The following NOL10 variants were observed in gnomAD, a reference collection of about 807,000 sequenced individuals.
NOL10 encodes nucleolar protein 10, also known as H_NH0074G24.1.
In NOL10, 58 loss-of-function variants were observed where a neutral mutation model predicts 103.5. The observed-to-expected ratio is 0.56, with a 90% CI of 0.45 to 0.70. The LOEUF is 0.70. Among genes scored for constraint, NOL10 ranks in the 30% least tolerant of loss-of-function variants. The pLI is 0.00. For synonymous variants in NOL10, 287 were observed against 282.5 expected (o/e 1.02, Z -0.16); for missense variants, 763 against 807.3 (o/e 0.95, Z 0.67).
chr2:10,619,203 G>C (rs759059484), intron 13 of NOL10, among the ~76,000 whole-genome samples: 1 of 149,506 alleles, frequency 6.7e-6, no homozygotes. Context: ...CTGGAGTACA[G>C]TGGCATGATC....
chr2:10,579,223 C>G lies in NOL10; in HGVS notation c.1845-1485G>C, dbSNP rs1414698700. On this transcript the variant is annotated intron_variant, in intron 19 of 20. Coordinates refer to ENST00000381685, the MANE Select transcript of NOL10 (RefSeq NM_024894.4). Reference sequence around the variant, plus strand: ...AAGTGGTTAGCATAAAAGTGGCACTCTTTTCTAAGCAATAATGTTATTAAG... The same window carrying G: ...AAGTGGTTAGCATAAAAGTGGCACTGTTTTCTAAGCAATAATGTTATTAAG... Among the ~76,000 whole-genome samples, 3 of 152,176 alleles carry G rather than the reference C, an allele frequency of 2.0e-5. No homozygotes were observed. The South Asian group carries it at 6.2e-4, about 31-fold the overall frequency.
chr2:10,667,411 T>G (rs1415989871), intron 7 of NOL10, 133 bp from the exon 8 acceptor site: 1 of 698,668 alleles, frequency 1.4e-6, no homozygotes, highest in East Asian at 2.8e-5. Flanking sequence ...CTTACTAATC[T>G]GCAAATGGAA....
chr2:10,575,249 C>T (rs904659831), intron 20 of NOL10, among the ~76,000 whole-genome samples: 28 of 152,174 alleles, frequency 1.8e-4, no homozygotes, highest in East Asian at 7.7e-4. Context: ...CAATTTTAAA[C>T]GACATTAAAG....
chr2:10,647,641 C>T (rs768456142), intron 12 of NOL10, among the ~76,000 whole-genome samples: 4 of 152,162 alleles, frequency 2.6e-5, no homozygotes, highest in Non-Finnish European at 5.9e-5. Flanking sequence ...AGGCTGTGCA[C>T]GCAGAACTGT....
At chr2:10,680,278 A>T (rs1267569507) in intron 3 of NOL10, among the ~76,000 whole-genome samples, 4 of 134,794 alleles carry the variant, frequency 3.0e-5, no homozygotes, top group Non-Finnish European at 6.1e-5. Flanking sequence ...CTCTTAAAAA[A>T]GAAGGAGAAG....
At position 10,599,560 on chromosome 2, in the gene NOL10, T is replaced by C. The variant is rs377612797; in HGVS notation, c.1422+1293A>G. ...AGACATAAATTCAAATATTAATAAG[T>C]TTGAGGAATTATTTCAACATTGGCA... On this transcript the variant is annotated intron_variant, in intron 17 of 20. Coordinates refer to ENST00000381685, the MANE Select transcript of NOL10 (RefSeq NM_024894.4). Among the ~76,000 whole-genome samples the C allele has an allele frequency of 2.4e-4, 36 of 152,254 alleles. 1 individual carries two copies. The highest frequency in any genetic ancestry group is 1.3e-3 in the East Asian group (7 of 5,190).
At chr2:10,620,324 G>A (rs1243655352) in intron 13 of NOL10, among the ~76,000 whole-genome samples, 7 of 151,838 alleles carry the variant, frequency 4.6e-5, no homozygotes, top group African/African-American at 1.2e-4. Flanking sequence ...GGGGAAACTC[G>A]GCAGAAAAAA....
chr2:10,667,312 A>C (rs747131385), intron 7 of NOL10, 34 bp from the exon 8 acceptor site: 1 of 1,428,302 alleles, frequency 7.0e-7, no homozygotes, highest in South Asian at 1.2e-5. Flanking sequence ...AGAATGAATT[A>C]GTTAGCACCT....
intron 16 of NOL10, 73 bp from the exon 17 acceptor site, chr2:10,601,015 A>G (rs10181806): frequency 0.54 from 464,279 of 866,832 alleles, 128,039 homozygotes; most frequent in African/African-American, 0.74. Flanking sequence ...GCTTAAAGGT[A>G]AACAGTTGTG....
At chr2:10,679,110 A>G (rs895353688) in intron 3 of NOL10, among the ~76,000 whole-genome samples, 2 of 152,090 alleles carry the variant, frequency 1.3e-5, no homozygotes, top group African/African-American at 4.8e-5. Context: ...CTGTAATCCC[A>G]GCACTTTGGG....
chr2:10,634,607 C>T (rs762611578), intron 13 of NOL10: 15 of 456,446 alleles, frequency 3.3e-5, no homozygotes, highest in African/African-American at 2.8e-4. Context: ...TTATATAAAG[C>T]CTAGTTATAT....
intron 13 of NOL10, among the ~76,000 whole-genome samples, chr2:10,607,771 A>ATTG (rs1388719946): frequency 6.7e-6 from 1 of 149,906 alleles, no homozygotes; most frequent in Non-Finnish European, 1.5e-5. Context: ...TATTATTATT[A>ATTG]TTATTTTGTA....
At position 10,659,346 on chromosome 2, in the gene NOL10, G is replaced by C. The variant is rs560441209; in HGVS notation, c.678-96C>G. On this transcript the variant is annotated intron_variant, in intron 9 of 20. Transcript: ENST00000381685. Reference sequence around the variant, plus strand: ...AGTCTTCACTTCAAATCTAATGGGGGGGGGGGGGAGGAATCACATTTCTAG... The same window carrying C: ...AGTCTTCACTTCAAATCTAATGGGGCGGGGGGGGAGGAATCACATTTCTAG... The C allele has an allele frequency of 3.3e-3, 1,621 of 486,334 alleles. 94 individuals are homozygous for C. The highest frequency in any genetic ancestry group is 0.024 in the African/African-American group (1,123 of 47,228). The allele number at this position is 486,334 out of a possible 1,614,324, so 30.1% of individuals were successfully genotyped here.
At chr2:10,597,115 G>A (rs766425043) in intron 17 of NOL10, among the ~76,000 whole-genome samples, 7 of 152,108 alleles carry the variant, frequency 4.6e-5, no homozygotes, top group South Asian at 2.1e-4. Flanking sequence ...GAATACAGGC[G>A]TGAGCCACTG....
intron 2 of NOL10, among the ~76,000 whole-genome samples, chr2:10,684,222 GC>G (rs1450144686): frequency 1.3e-5 from 2 of 150,962 alleles, no homozygotes; most frequent in Non-Finnish European, 2.9e-5. Flanking sequence ...GTTGCAGTGA[GC>G]CGAGGTCACA....
At chr2:10,591,407 A>G (rs1380460278) in intron 17 of NOL10, among the ~76,000 whole-genome samples, 1 of 152,146 alleles carries the variant, frequency 6.6e-6, no homozygotes, top group African/African-American at 2.4e-5. Context: ...GGGGGCTTGA[A>G]AGATGAGTAG....
intron 19 of NOL10, among the ~76,000 whole-genome samples, chr2:10,582,685 T>C (rs749251460): frequency 5.3e-5 from 8 of 152,156 alleles, no homozygotes; most frequent in Non-Finnish European, 8.8e-5. Context: ...ATGCATACCT[T>C]GTCTTTTCTG....
At chr2:10,650,457 C>G (rs2148295783) in intron 12 of NOL10, among the ~76,000 whole-genome samples, 1 of 152,324 alleles carries the variant, frequency 6.6e-6, no homozygotes, top group Non-Finnish European at 1.5e-5. Flanking sequence ...TGAGCCACTG[C>G]ACTAGGCCAC....
Position 10,668,967 on chromosome 2 carries a change from G to A in NOL10, c.465-244C>T, listed in dbSNP as rs117698219. On this transcript the variant is annotated intron_variant, in intron 6 of 20. Transcript: ENST00000381685. ...TACGTAGAATACTATTTACAAATAA[G>A]ATGGAGAATACAAGATCCAAAAGTA... Among the ~76,000 whole-genome samples, 79 of 152,180 alleles carry A rather than the reference G, an allele frequency of 5.2e-4. 2 individuals are homozygous for A. In the East Asian group the frequency reaches 0.014, roughly 26 times the overall value.
Sources: allele counts gnomAD v4.1 joint callset (sites outside exome capture counted in the v4.1 genomes callset), GRCh38; gene constraint gnomAD v4.1.1; transcripts MANE v1.5; gene names NCBI Gene and HGNC (gene_info 2026-07-23, HGNC 2026-07-21).